TRERF1: variants seen among roughly 807,000 people sequenced by gnomAD.
The protein encoded by TRERF1 is transcriptional-regulating factor 1.
TRERF1 carries 27 observed loss-of-function variants against 122.9 expected under a neutral mutation model. That is an observed-to-expected ratio of 0.22 (90% confidence interval 0.16 to 0.30). The LOEUF is 0.30. TRERF1 is among the 10% of genes least tolerant of loss of function. The probability of loss-of-function intolerance (pLI) is 1.00; values close to 1 mark genes in which losing one functional copy is unlikely to be tolerated. For missense variants in TRERF1, 1,248 were observed against 1,560.3 expected, an observed-to-expected ratio of 0.80 and a Z score of 3.37; for synonymous variants, 636 against 641.7, an observed-to-expected ratio of 0.99 and a Z score of 0.13.
chr6:42,395,716 A>G (rs1287036580), intron 2 of TRERF1, among the ~76,000 whole-genome samples: 1 of 151,936 alleles, frequency 6.6e-6, no homozygotes, highest in African/African-American at 2.4e-5. Flanking sequence ...ATTTTTTTCC[A>G]AGGTTCTCTT....
chr6:42,389,099 G>A (rs913488733), intron 2 of TRERF1, among the ~76,000 whole-genome samples: 3 of 151,984 alleles, frequency 2.0e-5, no homozygotes, highest in African/African-American at 7.3e-5. Context: ...TGGAGAGAGG[G>A]GGTACTTAAA....
intron 3 of TRERF1, among the ~76,000 whole-genome samples, chr6:42,357,391 T>C (rs1770793878): frequency 6.9e-6 from 1 of 145,106 alleles, no homozygotes; most frequent in African/African-American, 2.6e-5. Context: ...CTGTGCCATA[T>C]AAGCATACGA....
chr6:42,342,163 G>A (rs1462585799), intron 3 of TRERF1, among the ~76,000 whole-genome samples: 1 of 152,220 alleles, frequency 6.6e-6, no homozygotes, highest in Non-Finnish European at 1.5e-5. Flanking sequence ...CCACTGTCCT[G>A]AGCAGAAATG....
At chr6:42,362,512 T>C (rs1771960259) in intron 3 of TRERF1, among the ~76,000 whole-genome samples, 1 of 152,218 alleles carries the variant, frequency 6.6e-6, no homozygotes, top group Non-Finnish European at 1.5e-5. Flanking sequence ...CATAGCTGTA[T>C]GCCCATTTTA....
At chr6:42,279,200 G>A (rs1204051932) in intron 4 of TRERF1, among the ~76,000 whole-genome samples, 5 of 152,200 alleles carry the variant, frequency 3.3e-5, no homozygotes, top group Admixed American at 3.3e-4. Flanking sequence ...GCAGTAGGCA[G>A]ACCCTTGCTG....
chr6:42,408,225 A>ATGTGTGTGTG (rs1251199122), intron 2 of TRERF1, among the ~76,000 whole-genome samples: 5 of 129,198 alleles, frequency 3.9e-5, no homozygotes, highest in East Asian at 4.3e-4. Context: ...ATATATATAT[A>ATGTGTGTGTG]TATGTGTGTG....
intron 3 of TRERF1, among the ~76,000 whole-genome samples, chr6:42,362,740 A>T (rs1772008612): frequency 6.6e-6 from 1 of 152,148 alleles, no homozygotes; most frequent in South Asian, 2.1e-4. Context: ...CATCCATTGG[A>T]TCCTCAACTA....
At chr6:42,413,671 G>A (rs989889463) in intron 2 of TRERF1, among the ~76,000 whole-genome samples, 9 of 151,782 alleles carry the variant, frequency 5.9e-5, no homozygotes, top group African/African-American at 1.4e-4. Flanking sequence ...CTCGTGATCC[G>A]CCCGCCACAG....
At chr6:42,351,408 A>T (rs1205000998) in intron 3 of TRERF1, among the ~76,000 whole-genome samples, 1 of 152,388 alleles carries the variant, frequency 6.6e-6, no homozygotes, top group East Asian at 1.9e-4. Flanking sequence ...TGATACATCA[A>T]TACAAGGAAT....
At chr6:42,436,180 A>G (rs1454714495) in intron 2 of TRERF1, among the ~76,000 whole-genome samples, 2 of 151,940 alleles carry the variant, frequency 1.3e-5, no homozygotes, top group Non-Finnish European at 2.9e-5. Flanking sequence ...CATCCTGGCT[A>G]ACACAGTGAA....
chr6:42,331,309 T>G (rs1765197576), intron 3 of TRERF1, among the ~76,000 whole-genome samples: 2 of 151,928 alleles, frequency 1.3e-5, no homozygotes, highest in African/African-American at 2.4e-5. Context: ...ATCTGCTTGG[T>G]GAAGTCCAGA....
At chr6:42,411,998 TC>T (rs1288488672) in intron 2 of TRERF1, among the ~76,000 whole-genome samples, 1 of 102,312 alleles carries the variant, frequency 9.8e-6, no homozygotes, top group Non-Finnish European at 1.9e-5. Flanking sequence ...TTTTAAAAAA[TC>T]CTTTTTTTTT....
At chr6:42,410,202 C>T (rs553978041) in intron 2 of TRERF1, among the ~76,000 whole-genome samples, 7 of 152,182 alleles carry the variant, frequency 4.6e-5, no homozygotes, top group Non-Finnish European at 1.0e-4. Flanking sequence ...AGTGCTGTGG[C>T]ATGATCAGGG....
At chr6:42,401,497 G>A (rs953523467) in intron 2 of TRERF1, among the ~76,000 whole-genome samples, 3 of 152,108 alleles carry the variant, frequency 2.0e-5, no homozygotes, top group Non-Finnish European at 4.4e-5. Context: ...AACTGAGGCC[G>A]AGAGGCTACA....
intron 14 of TRERF1, 148 bp downstream of exon 14, chr6:42,246,308 C>T: frequency 1.5e-6 from 1 of 649,734 alleles, no homozygotes; most frequent in Non-Finnish European, 2.7e-6. Context: ...GCCATACCAC[C>T]CCTATCTCCA....
intron 4 of TRERF1, among the ~76,000 whole-genome samples, chr6:42,299,818 T>C (rs1001446793): frequency 2.6e-5 from 4 of 152,334 alleles, no homozygotes; most frequent in Admixed American, 1.3e-4. Flanking sequence ...TTCTTCTTCA[T>C]TGATATATCT....
intron 2 of TRERF1, among the ~76,000 whole-genome samples, chr6:42,394,095 T>G (rs1778184683): frequency 6.6e-6 from 1 of 152,102 alleles, no homozygotes; most frequent in Admixed American, 6.5e-5. Flanking sequence ...TAAATCTGGA[T>G]TTTCAAAGCC....
chr6:42,301,273 A>G (rs1786133959), intron 3 of TRERF1, among the ~76,000 whole-genome samples: 1 of 152,150 alleles, frequency 6.6e-6, no homozygotes, highest in African/African-American at 2.4e-5. Flanking sequence ...TCTGTTGCCC[A>G]GGCTGGAGTG....
intron 3 of TRERF1, among the ~76,000 whole-genome samples, chr6:42,319,541 G>A (rs1158167417): frequency 6.6e-6 from 1 of 152,198 alleles, no homozygotes; most frequent in East Asian, 1.9e-4. Context: ...AAAAGTATGA[G>A]CCTGGCACAC....
Sources: allele counts gnomAD v4.1 joint callset (sites outside exome capture counted in the v4.1 genomes callset), GRCh38; gene constraint gnomAD v4.1.1; transcripts MANE v1.5; gene names NCBI Gene and HGNC (gene_info 2026-07-23, HGNC 2026-07-21).